Variants in SGCD observed in about 807,000 individuals in gnomAD.
SGCD encodes the protein delta-sarcoglycan.
Under a neutral mutation model 36.6 loss-of-function variants are expected in SGCD, and 18 were observed. That is an observed-to-expected ratio of 0.49 (90% CI 0.34 to 0.73). SGCD has a LOEUF of 0.73. Among genes scored for constraint, SGCD ranks in the 30% least tolerant of loss-of-function variants. SGCD has a pLI of 0.01. For synonymous variants in SGCD, 133 were observed against 130.6 expected (o/e 1.02, Z -0.12); for missense variants, 387 against 346.7 (o/e 1.12, Z -0.92).
intron 3 of SGCD, among the ~76,000 whole-genome samples, chr5:156,140,321 T>C (rs1762548838): frequency 6.6e-6 from 1 of 152,126 alleles, no homozygotes; most frequent in African/African-American, 2.4e-5. Context: ...TAAGGGTGCT[T>C]CTGGTAGGGG....
At chr5:156,112,661 A>T (rs1761814864) in intron 1 of SGCD, among the ~76,000 whole-genome samples, 1 of 152,200 alleles carries the variant, frequency 6.6e-6, no homozygotes, top group African/African-American at 2.4e-5. Flanking sequence ...AGGTAATATT[A>T]TGCCCCTTCT....
chr5:156,076,225 G>T (rs540110155), intron 1 of SGCD, among the ~76,000 whole-genome samples: 1 of 151,874 alleles, frequency 6.6e-6, no homozygotes, highest in Admixed American at 6.6e-5. Context: ...TTTGTATGTT[G>T]TCTTCCTTCT....
At chr5:156,015,326 AC>A (rs1758945958) in intron 1 of SGCD, among the ~76,000 whole-genome samples, 1 of 152,138 alleles carries the variant, frequency 6.6e-6, no homozygotes, top group South Asian at 2.1e-4. Flanking sequence ...AATTTATTCC[AC>A]ACTTGGCCAG....
At chr5:155,920,995 G>T (rs537566603) in intron 1 of SGCD, among the ~76,000 whole-genome samples, 3 of 152,232 alleles carry the variant, frequency 2.0e-5, no homozygotes, top group Admixed American at 6.5e-5. Flanking sequence ...AGCAATGGGG[G>T]TGATAACAGT....
intron 1 of SGCD, among the ~76,000 whole-genome samples, chr5:156,104,323 T>G (rs1035097014): frequency 1.3e-5 from 2 of 152,210 alleles, no homozygotes; most frequent in African/African-American, 4.8e-5. Flanking sequence ...TATTTGATAA[T>G]TTTCATAACT....
intron 5 of SGCD, among the ~76,000 whole-genome samples, chr5:156,591,354 A>G (rs3797577): frequency 0.32 from 48,376 of 152,112 alleles, 8,602 homozygotes; most frequent in African/African-American, 0.49. Flanking sequence ...AGGAAACAAT[A>G]CTTCACATGA....
At chr5:156,542,226 G>T (rs1758375451) in intron 4 of SGCD, among the ~76,000 whole-genome samples, 1 of 151,756 alleles carries the variant, frequency 6.6e-6, no homozygotes. Flanking sequence ...TGGATCTGTG[G>T]GTTTTTGTGG....
In SGCD at chr5:156,293,710, T is replaced by C. The variant is rs190753951; in HGVS notation, c.-43-35824T>C. Among the ~76,000 whole-genome samples, 132 of 152,288 alleles carry C rather than the reference T, an allele frequency of 8.7e-4. 1 individual carries two copies. Among genetic ancestry groups the C allele is most frequent in the Non-Finnish European group, 5.6e-4 (38 of 68,012 alleles). The stretch of plus-strand genomic sequence containing the variant: ...TGCCATTATCACATTGTTTTGATTA[T>C]TGAGGCTTGGTAGTAAGTTGTGAAA... On this transcript the variant is annotated intron_variant, in intron 3 of 9. Coordinates refer to the SGCD transcript ENST00000517913.
chr5:156,603,636 A>T (rs1413242352), intron 6 of SGCD, among the ~76,000 whole-genome samples: 2 of 152,084 alleles, frequency 1.3e-5, no homozygotes, highest in African/African-American at 4.8e-5. Flanking sequence ...TCTCTCAAAA[A>T]TATTTAAATT....
the SGCD span, among the ~76,000 whole-genome samples, chr5:155,733,483 C>G: frequency 6.6e-6 from 1 of 152,174 alleles, no homozygotes; most frequent in African/African-American, 2.4e-5. Context: ...TAACCCTGAC[C>G]TCTTATTCAA....
At chr5:156,121,039 C>T (rs1308811745) in intron 2 of SGCD, among the ~76,000 whole-genome samples, 1 of 152,020 alleles carries the variant, frequency 6.6e-6, no homozygotes, top group Non-Finnish European at 1.5e-5. Flanking sequence ...GCCATCTGCC[C>T]AGGAATGTGG....
the SGCD span, among the ~76,000 whole-genome samples, chr5:155,808,283 T>C: frequency 6.6e-6 from 1 of 152,234 alleles, no homozygotes; most frequent in Non-Finnish European, 1.5e-5. Flanking sequence ...TTATTATTTC[T>C]GACCATTGGA....
chr5:156,225,362 G>A (rs1764824271), intron 3 of SGCD, among the ~76,000 whole-genome samples: 1 of 152,066 alleles, frequency 6.6e-6, no homozygotes, highest in Admixed American at 6.6e-5. Flanking sequence ...CCAAATAATT[G>A]AAGCTACTTA....
intron 3 of SGCD, among the ~76,000 whole-genome samples, chr5:156,287,036 C>A (rs1190749300): frequency 6.6e-6 from 1 of 152,134 alleles, no homozygotes; most frequent in Non-Finnish European, 1.5e-5. Context: ...TGTTTACATT[C>A]TAAAAGGGAA....
chr5:156,382,730 A>G (rs548194509), intron 3 of SGCD, among the ~76,000 whole-genome samples: 53 of 152,180 alleles, frequency 3.5e-4, no homozygotes, highest in Non-Finnish European at 6.9e-4. Flanking sequence ...CTTCACCAAA[A>G]TGTGTAAACA....
chr5:155,756,656 C>T, the SGCD span, among the ~76,000 whole-genome samples: 1 of 152,140 alleles, frequency 6.6e-6, no homozygotes, highest in Non-Finnish European at 1.5e-5. Context: ...CATTGTTGCC[C>T]AGCCACAGTT....
In SGCD at chr5:156,046,670, T is replaced by C. The variant is rs150484027; in HGVS notation, c.-281-71208T>C. Among the ~76,000 whole-genome samples the C allele has an allele frequency of 3.4e-3, 510 of 152,186 alleles. 4 individuals carry two copies. The highest frequency in any genetic ancestry group is 0.011 in the African/African-American group (461 of 41,542). The stretch of plus-strand genomic sequence containing the variant: ...CGGTGAACTTAACCGAGAAATGTCG[T>C]GTGCATTCTGATTGCTCCACTGACC... On this transcript the variant is annotated intron_variant, in intron 1 of 9. Transcript: ENST00000517913.
At chr5:155,915,569 G>GTATCAATTTT (rs1267697425) in intron 1 of SGCD, among the ~76,000 whole-genome samples, 4 of 152,078 alleles carry the variant, frequency 2.6e-5, no homozygotes, top group Admixed American at 2.0e-4. Flanking sequence ...ACATAGCATT[G>GTATCAATTTT]TATCAATTTT....
chr5:156,700,167 A>T (rs367743325), intron 7 of SGCD, among the ~76,000 whole-genome samples: 1 of 152,102 alleles, frequency 6.6e-6, no homozygotes, highest in East Asian at 1.9e-4. Context: ...AAAGAACAAC[A>T]TACACTCATA....
Sources: gnomAD v4.1 joint callset for allele counts (sites outside exome capture counted in the v4.1 genomes callset) on GRCh38, gnomAD v4.1.1 for gene constraint, MANE v1.5 for transcripts, NCBI Gene and HGNC (gene_info 2026-07-23, HGNC 2026-07-21) for gene names.